Variants in ITFG1 observed in about 807,000 individuals in gnomAD.
ITFG1 encodes T-cell immunomodulatory protein.
A neutral mutation model predicts 81.8 loss-of-function variants in ITFG1; 34 were observed. That is an observed-to-expected ratio of 0.42 (90% CI 0.32 to 0.55). The LOEUF (loss-of-function observed/expected upper bound fraction) is 0.55. Among genes scored for constraint, ITFG1 ranks in the 20% least tolerant of loss-of-function variants. The pLI, the probability that ITFG1 is intolerant of heterozygous loss-of-function variation, is 0.17. For synonymous variants in ITFG1, 285 were observed against 270.6 expected, an observed-to-expected ratio of 1.05 and a Z score of -0.52; for missense variants, 672 against 755.4, an observed-to-expected ratio of 0.89 and a Z score of 1.29.
At chr16:47,340,165 A>T (rs1317070431) in intron 8 of ITFG1, among the ~76,000 whole-genome samples, 6 of 151,846 alleles carry the variant, frequency 4.0e-5, no homozygotes, top group Middle Eastern at 3.4e-3. Context: ...GGCGGAGGGA[A>T]TTTTTTTTTC....
At chr16:47,400,616 T>C (rs1033195616) in intron 6 of ITFG1, among the ~76,000 whole-genome samples, 3 of 152,030 alleles carry the variant, frequency 2.0e-5, no homozygotes, top group Non-Finnish European at 4.4e-5. Context: ...GTACACAGAA[T>C]AGTGGTCATT....
chr16:47,460,715 G>T (rs1381041188), intron 1 of ITFG1, 123 bp downstream of exon 1: 4 of 1,046,376 alleles, frequency 3.8e-6, no homozygotes, highest in Non-Finnish European at 5.7e-6. Flanking sequence ...TAAAGGGAAG[G>T]CCACAGGGCT....
At chr16:47,180,194 AGTT>A (rs1392527015) in intron 14 of ITFG1, among the ~76,000 whole-genome samples, 1 of 152,160 alleles carries the variant, frequency 6.6e-6, no homozygotes, top group East Asian at 1.9e-4. Flanking sequence ...AAATTTGTGC[AGTT>A]GTTTTAGTTT....
intron 7 of ITFG1, among the ~76,000 whole-genome samples, chr16:47,373,126 A>G (rs1465936077): frequency 1.3e-5 from 2 of 151,976 alleles, no homozygotes; most frequent in African/African-American, 2.4e-5. Context: ...CTTACATTTC[A>G]ATATCTCTTT....
At chr16:47,357,987 C>T (rs1034753576) in intron 8 of ITFG1, among the ~76,000 whole-genome samples, 2 of 152,264 alleles carry the variant, frequency 1.3e-5, no homozygotes, top group Middle Eastern at 3.4e-3. Context: ...GTCTTTGCTA[C>T]AAGGTAGAAA....
chr16:47,347,807 C>T lies in ITFG1; in HGVS notation c.802+17981G>A, dbSNP rs996472745. Among the ~76,000 whole-genome samples, 6 of 152,222 alleles carry T rather than the reference C, an allele frequency of 3.9e-5. No individual in the cohort carries two copies. The East Asian group carries it at 1.2e-3, about 29-fold the overall frequency. ...GGAGGCACCCCCAAGTAGGGGCAGA[C>T]TGACACCTCACATGGCCGGGTACCC... On this transcript the variant is annotated intron_variant, in intron 8 of 17. Transcript: ENST00000320640.
chr16:47,411,490 C>A (rs945153838), intron 6 of ITFG1, among the ~76,000 whole-genome samples: 5 of 152,102 alleles, frequency 3.3e-5, no homozygotes, highest in African/African-American at 1.2e-4. Context: ...GGGCGCCATA[C>A]CGGCTGCACA....
chr16:47,364,426 A>T (rs776938653), intron 8 of ITFG1, among the ~76,000 whole-genome samples: 8 of 152,222 alleles, frequency 5.3e-5, no homozygotes, highest in Non-Finnish European at 8.8e-5. Context: ...TAAAAGATAT[A>T]ACTTTAATTT....
chr16:47,453,225 G>A (rs948107257), intron 3 of ITFG1, among the ~76,000 whole-genome samples: 2 of 152,160 alleles, frequency 1.3e-5, no homozygotes, highest in African/African-American at 4.8e-5. Flanking sequence ...TGAATATAAT[G>A]TATCGCGATT....
chr16:47,318,822 A>G (rs550979558), intron 8 of ITFG1, among the ~76,000 whole-genome samples: 2 of 152,358 alleles, frequency 1.3e-5, no homozygotes, highest in Non-Finnish European at 2.9e-5. Context: ...TTATATTTTA[A>G]CACTGATTTT....
intron 6 of ITFG1, among the ~76,000 whole-genome samples, chr16:47,408,522 A>G (rs1378512913): frequency 6.6e-6 from 1 of 152,234 alleles, no homozygotes; most frequent in Non-Finnish European, 1.5e-5. Context: ...AAAGGTAAAG[A>G]GTCCCTGGGG....
intron 6 of ITFG1, among the ~76,000 whole-genome samples, chr16:47,391,538 A>G (rs1968531452): frequency 6.6e-6 from 1 of 152,192 alleles, no homozygotes; most frequent in Non-Finnish European, 1.5e-5. Flanking sequence ...CTTTCAGATC[A>G]TCTCTGAGAC....
intron 5 of ITFG1, among the ~76,000 whole-genome samples, chr16:47,444,329 A>G (rs1969294939): frequency 6.6e-6 from 1 of 152,230 alleles, no homozygotes; most frequent in Non-Finnish European, 1.5e-5. Context: ...AAAATAATTT[A>G]TGTTACAAGA....
intron 10 of ITFG1, 116 bp from the exon 11 acceptor site, chr16:47,260,811 A>G (rs1966202136): frequency 9.1e-7 from 1 of 1,098,628 alleles, no homozygotes; most frequent in Non-Finnish European, 1.3e-6. Context: ...AAATTACACG[A>G]AAAAATCTCC....
At chr16:47,419,470 C>T (rs1197902676) in intron 6 of ITFG1, among the ~76,000 whole-genome samples, 3 of 152,040 alleles carry the variant, frequency 2.0e-5, no homozygotes, top group Non-Finnish European at 4.4e-5. Flanking sequence ...CAGAGTTTTG[C>T]CATGTTGCCC....
At chr16:47,347,064 C>T (rs144432982) in intron 8 of ITFG1, among the ~76,000 whole-genome samples, 7 of 152,284 alleles carry the variant, frequency 4.6e-5, no homozygotes, top group East Asian at 3.9e-4. Context: ...ACGATTGGGG[C>T]GGTTCCAAGA....
At chr16:47,356,848 C>T (rs988292277) in intron 8 of ITFG1, among the ~76,000 whole-genome samples, 4 of 152,086 alleles carry the variant, frequency 2.6e-5, no homozygotes, top group Non-Finnish European at 5.9e-5. Context: ...TATTTTCTGC[C>T]TAGGAGTGGC....
At chr16:47,172,893 A>G (rs1003347579) in intron 14 of ITFG1, among the ~76,000 whole-genome samples, 6 of 152,050 alleles carry the variant, frequency 3.9e-5, no homozygotes, top group African/African-American at 1.4e-4. Flanking sequence ...GTCTTGTCCT[A>G]TGTCCTACTT....
chr16:47,441,840 CAGG>C (rs959958244), intron 5 of ITFG1, among the ~76,000 whole-genome samples: 1 of 151,992 alleles, frequency 6.6e-6, no homozygotes, highest in African/African-American at 2.4e-5. Context: ...GGCAATCAGG[CAGG>C]AGAAGGAAAT....
Sources: allele counts gnomAD v4.1 joint callset (sites outside exome capture counted in the v4.1 genomes callset), GRCh38; gene constraint gnomAD v4.1.1; transcripts MANE v1.5; gene names NCBI Gene and HGNC (gene_info 2026-07-23, HGNC 2026-07-21).